The following QTMAN variants were observed in gnomAD, a reference collection of about 807,000 sequenced individuals.
QTMAN encodes the protein tRNA-queuosine alpha-mannosyltransferase.
chr2:144,112,100 T>C, the QTMAN span, among the ~76,000 whole-genome samples: 1 of 152,200 alleles, frequency 6.6e-6, no homozygotes. Flanking sequence ...TGCACTAGGT[T>C]GAAAAGAATA....
At chr2:144,222,700 C>T in the QTMAN span, among the ~76,000 whole-genome samples, 37 of 151,914 alleles carry the variant, frequency 2.4e-4, no homozygotes, top group Admixed American at 5.2e-4. Context: ...CCCAGCTGCT[C>T]GGGAGGCTGA....
the QTMAN span, among the ~76,000 whole-genome samples, chr2:144,138,419 G>GA: frequency 2.0e-5 from 3 of 150,500 alleles, no homozygotes; most frequent in Non-Finnish European, 4.4e-5. Context: ...GGAATAAGGA[G>GA]AAAAAAAAAT....
At chr2:143,967,164 G>C in the QTMAN span, among the ~76,000 whole-genome samples, 4 of 152,110 alleles carry the variant, frequency 2.6e-5, no homozygotes, top group African/African-American at 9.7e-5. Flanking sequence ...AGTATCATGA[G>C]CATTACATAA....
the QTMAN span, among the ~76,000 whole-genome samples, chr2:144,295,057 T>C: frequency 6.6e-5 from 10 of 152,340 alleles, no homozygotes; most frequent in African/African-American, 1.7e-4. Flanking sequence ...TATAAAAATA[T>C]TGATTTCATA....
At chr2:144,056,389 A>G in the QTMAN span, among the ~76,000 whole-genome samples, 1 of 152,192 alleles carries the variant, frequency 6.6e-6, no homozygotes, top group Non-Finnish European at 1.5e-5. Context: ...GAAGTTTATG[A>G]TTGTGGCAAT....
At chr2:144,024,172 G>A in the QTMAN span, among the ~76,000 whole-genome samples, 1 of 152,228 alleles carries the variant, frequency 6.6e-6, no homozygotes, top group Non-Finnish European at 1.5e-5. Flanking sequence ...ACAAATCAAT[G>A]AGATACCAAA....
the QTMAN span, chr2:143,964,049 T>A: frequency 6.6e-6 from 1 of 152,170 alleles, no homozygotes; most frequent in Admixed American, 6.6e-5. Flanking sequence ...GTTAAATCAC[T>A]AGACTGCTAT....
At chr2:144,329,650 G>C in the QTMAN span, among the ~76,000 whole-genome samples, 1 of 152,122 alleles carries the variant, frequency 6.6e-6, no homozygotes, top group African/African-American at 2.4e-5. Context: ...ACTAACATAA[G>C]TTACAGAACA....
chr2:144,268,358 C>T, the QTMAN span, among the ~76,000 whole-genome samples: 1 of 152,162 alleles, frequency 6.6e-6, no homozygotes, highest in South Asian at 2.1e-4. Context: ...ATTACCCAGG[C>T]TCAGGTATTC....
chr2:144,147,140 T>C, the QTMAN span, among the ~76,000 whole-genome samples: 2 of 151,746 alleles, frequency 1.3e-5, no homozygotes, highest in Admixed American at 6.6e-5. Flanking sequence ...TAAGTGCATA[T>C]ATCACAAGTA....
the QTMAN span, chr2:143,951,958 T>TA: frequency 8.0e-6 from 9 of 1,130,900 alleles, no homozygotes; most frequent in Non-Finnish European, 1.2e-5. Context: ...ATTTATACCA[T>TA]GTAAATCTCT....
chr2:144,086,200 AT>A, the QTMAN span, among the ~76,000 whole-genome samples: 1 of 152,148 alleles, frequency 6.6e-6, no homozygotes, highest in African/African-American at 2.4e-5. Flanking sequence ...ACTGGCTAAC[AT>A]TTTGCTCTTA....
the QTMAN span, among the ~76,000 whole-genome samples, chr2:144,298,285 T>C: frequency 7.9e-5 from 12 of 152,316 alleles, no homozygotes; most frequent in African/African-American, 2.4e-4. Flanking sequence ...CCCAAAGTGC[T>C]GGATTTACAG....
the QTMAN span, among the ~76,000 whole-genome samples, chr2:144,185,464 C>A: frequency 1.3e-5 from 2 of 152,144 alleles, no homozygotes; most frequent in Admixed American, 1.3e-4. Context: ...TTCCATTGGA[C>A]GCACCAGCTG....
At chr2:143,949,054 T>G in the QTMAN span, among the ~76,000 whole-genome samples, 1 of 152,078 alleles carries the variant, frequency 6.6e-6, no homozygotes, top group Non-Finnish European at 1.5e-5. Flanking sequence ...TTAAAATTAT[T>G]AAGAAACATT....
chr2:144,005,825 T>G, the QTMAN span: 1 of 152,060 alleles, frequency 6.6e-6, no homozygotes, highest in African/African-American at 2.4e-5. Context: ...TAACATGGTT[T>G]TCACTCTTTC....
At chr2:144,017,457 C>A in the QTMAN span, among the ~76,000 whole-genome samples, 1 of 152,034 alleles carries the variant, frequency 6.6e-6, no homozygotes, top group African/African-American at 2.4e-5. Flanking sequence ...TGAGGCTAGT[C>A]CTGGACTTCT....
At chr2:144,001,846 GA>G in the QTMAN span, among the ~76,000 whole-genome samples, 2 of 151,690 alleles carry the variant, frequency 1.3e-5, no homozygotes, top group Non-Finnish European at 3.0e-5. Flanking sequence ...ATATTCAGGG[GA>G]AAAAAATTTA....
the QTMAN span, among the ~76,000 whole-genome samples, chr2:144,244,063 GT>G: frequency 6.6e-6 from 1 of 152,158 alleles, no homozygotes; most frequent in Non-Finnish European, 1.5e-5. Context: ...GGTCCTAAAA[GT>G]TAACAGTCAA....
Sources: allele counts gnomAD v4.1 joint callset (sites outside exome capture counted in the v4.1 genomes callset), GRCh38; gene constraint gnomAD v4.1.1; transcripts MANE v1.5; gene names NCBI Gene and HGNC (gene_info 2026-07-23, HGNC 2026-07-21).